The following SMG1 variants were observed in gnomAD, a reference collection of about 807,000 sequenced individuals.
SMG1 encodes SMG1 nonsense mediated mRNA decay associated PI3K related kinase, also known as serine/threonine-protein kinase SMG1.
Under a neutral mutation model 419.9 loss-of-function variants are expected in SMG1, and 22 were observed. The ratio of observed to expected loss-of-function variants is 0.05; its 90% CI spans 0.04 to 0.07. The LOEUF (loss-of-function observed/expected upper bound fraction) is 0.07. Among genes scored for constraint, SMG1 ranks in the 10% least tolerant of loss-of-function variants. The pLI, the probability that SMG1 is intolerant of heterozygous loss-of-function variation, is 1.00. For synonymous variants in SMG1, 1,538 were observed against 1,553.5 expected (o/e 0.99, Z 0.23); for missense variants, 3,185 against 4,342.0 (o/e 0.73, Z 7.49).
At position 18,834,946 on chromosome 16, in the gene SMG1, T is replaced by C. The variant is rs772222850; in HGVS notation, c.8276A>G (p.Glu2759Gly). The C allele has an allele frequency of 6.2e-7, 1 of 1,614,040 alleles. No individual in the cohort carries two copies. The highest frequency in any genetic ancestry group is 8.5e-7 in the Non-Finnish European group (1 of 1,179,876). ...AACACTTGCTAGACTCAAAGATCCT[T>C]CTTCTCCATTCTCATGAAGGAAAAC... ...IKVFLHENGE[E>G]GSLSLASVII... Residue 2759 changes from glutamate to glycine, a missense_variant, in exon 49 of 63, where the codon GAA becomes GGA. By Grantham distance (98) the Glu-to-Gly change is moderately conservative (BLOSUM62 -2). Transcript: ENST00000446231.
In SMG1 at chr16:18,845,477, A is replaced by C. The variant is rs373116735; in HGVS notation, c.6171T>G (p.Thr2057=). The C allele has an allele frequency of 6.2e-7, 1 of 1,613,920 alleles. No individual in the cohort carries two copies. The highest frequency in any genetic ancestry group is 1.1e-5 in the South Asian group (1 of 91,076). ...TCCCAGGCTTTGCAGGGTTCAATGGAGTCTTCAGTTTTTCTAGGGCATTTT... is the reference window on the plus strand; with the variant it reads ...TCCCAGGCTTTGCAGGGTTCAATGGCGTCTTCAGTTTTTCTAGGGCATTTT... ...AIENALEKLK[T]PLNPAKPGSS... is the part of the protein sequence containing the mutation. Residue 2057 remains threonine (T), a synonymous_variant, in exon 39 of 63, where the codon ACT becomes ACG. Coordinates refer to ENST00000446231, the MANE Select transcript of SMG1 (RefSeq NM_015092.5).
intron 1 of SMG1, among the ~76,000 whole-genome samples, chr16:18,913,435 T>C (rs2037860557): frequency 1.3e-5 from 2 of 151,970 alleles, no homozygotes; most frequent in African/African-American, 4.8e-5. Context: ...AGAGTAAAGG[T>C]ACGTTTTTAA....
intron 1 of SMG1, among the ~76,000 whole-genome samples, chr16:18,919,441 G>A (rs533574804): frequency 5.9e-5 from 9 of 151,662 alleles, no homozygotes; most frequent in South Asian, 2.1e-4. Flanking sequence ...TGGCTAACAC[G>A]GTGAAACCCC....
intron 8 of SMG1, 40 bp from the exon 9 acceptor site, chr16:18,884,207 A>G (rs761734714): frequency 1.4e-5 from 14 of 975,098 alleles, no homozygotes; most frequent in South Asian, 4.4e-5. Flanking sequence ...GTAGGGGGGA[A>G]AAAAACACCA....
intron 1 of SMG1, among the ~76,000 whole-genome samples, chr16:18,916,091 CAG>C (rs2037964449): frequency 1.4e-5 from 1 of 72,238 alleles, no homozygotes; most frequent in Admixed American, 1.4e-4. Context: ...AAAAAAAAAC[CAG>C]AAAAAAAAAA....
chr16:18,904,386 G>C (rs2037474267), intron 1 of SMG1, among the ~76,000 whole-genome samples: 1 of 151,826 alleles, frequency 6.6e-6, no homozygotes, highest in Admixed American at 6.6e-5. Flanking sequence ...TGTAATCCCA[G>C]CACTTTGGGA....
At chr16:18,863,968 A>T in intron 24 of SMG1, 34 bp downstream of exon 24, 1 of 1,551,230 alleles carries the variant, frequency 6.4e-7, no homozygotes, top group Non-Finnish European at 8.7e-7. Context: ...TATTACTATA[A>T]CTTTTGCTTT....
intron 30 of SMG1, 119 bp from the exon 31 acceptor site, chr16:18,853,986 A>C: frequency 1.2e-6 from 1 of 833,916 alleles, no homozygotes; most frequent in Non-Finnish European, 1.8e-6. Flanking sequence ...ATGGTTTCAA[A>C]CTCCTATGCT....
rs369423544 is a variant in SMG1, at chr16:18,833,040, C to A, written c.8692G>T (p.Val2898Phe). 6.2e-7 allele frequency: 1 copy of A among 1,613,964 alleles called. No individual in the cohort carries two copies. Among genetic ancestry groups the A allele is most frequent in the African/African-American group, 1.3e-5 (1 of 75,036 alleles). ...GATTCCACTAGAGTCTGCAGGGGAACGCCATCGGTGGTCTGCTCAATAAGA... is the reference window on the plus strand; with the variant it reads ...GATTCCACTAGAGTCTGCAGGGGAAAGCCATCGGTGGTCTGCTCAATAAGA... ...DGLIEQTTDG[V>F]PLQTLVESLQ... Residue 2898 changes from valine to phenylalanine, a missense_variant, in exon 51 of 63, where the codon GTT becomes TTT. By Grantham distance (50) the Val-to-Phe change is conservative. Around this residue, in one of 27 missense-constraint regions of SMG1, gnomAD observed 737 missense variants for 846.6 expected, o/e 0.87. Transcript: ENST00000446231.
chr16:18,835,229 G>T (rs1398526668), intron 48 of SMG1, 65 bp from the exon 49 acceptor site: 4 of 1,464,456 alleles, frequency 2.7e-6, no homozygotes, highest in South Asian at 1.3e-5. Context: ...AAAGAATATT[G>T]CATTTAATCC....
intron 40 of SMG1, 76 bp from the exon 41 acceptor site, chr16:18,841,870 T>G: frequency 1.6e-6 from 2 of 1,243,604 alleles, no homozygotes; most frequent in East Asian, 4.6e-5. Flanking sequence ...CTTTTTCAAC[T>G]AGCAGTGGCA....
chr16:18,831,041 T>G (rs2033140191), intron 51 of SMG1, among the ~76,000 whole-genome samples: 1 of 152,208 alleles, frequency 6.6e-6, no homozygotes, highest in African/African-American at 2.4e-5. Flanking sequence ...GCACTATTAC[T>G]ACAAGATACG....
chr16:18,847,717 A>G (rs1417141086), intron 37 of SMG1, 99 bp downstream of exon 37: 1 of 1,570,554 alleles, frequency 6.4e-7, no homozygotes, highest in Non-Finnish European at 8.7e-7. Flanking sequence ...TCATTATACA[A>G]TTGGAGAACC....
At chr16:18,877,053 T>C (rs952936973) in intron 12 of SMG1, 78 bp downstream of exon 12, 7 of 989,618 alleles carry the variant, frequency 7.1e-6, no homozygotes, top group African/African-American at 3.2e-5. Context: ...ATTTCACTTA[T>C]ACAGCCTGGT....
In SMG1 at chr16:18,914,229, T is replaced by C. The variant is rs567757436; in HGVS notation, c.92+11721A>G. Among the ~76,000 whole-genome samples the C allele has an allele frequency of 5.3e-5, 8 of 151,668 alleles. 1 individual carries two copies. In the East Asian group the frequency reaches 1.6e-3, roughly 30 times the overall value. On this transcript the variant is annotated intron_variant, in intron 1 of 62. Transcript: ENST00000446231. Reference sequence around the variant, plus strand: ...TTAAATAATAAACAAAAAAAGTCTATAATAGGTTTTTAAATAACCATAAAG... The same window carrying C: ...TTAAATAATAAACAAAAAAAGTCTACAATAGGTTTTTAAATAACCATAAAG...
In SMG1 at chr16:18,900,387, A is replaced by G. The variant is rs1185723021; in HGVS notation, c.93-3431T>C. On this transcript the variant is annotated intron_variant, in intron 1 of 62. Coordinates refer to ENST00000446231, the MANE Select transcript of SMG1 (RefSeq NM_015092.5). ...AGGAGGCCATTCGTTTCAAATGACC[A>G]GAATCCTTAGACCTCACACCAACAA... 1.1e-4 allele frequency among the ~76,000 whole-genome samples: 16 copies of G among 152,360 alleles called. No homozygotes were observed. In the East Asian group the frequency reaches 1.3e-3, roughly 13 times the overall value.
At chr16:18,874,998 T>G (rs912971646) in intron 13 of SMG1, 1 of 151,786 alleles carries the variant, frequency 6.6e-6, no homozygotes, top group African/African-American at 2.4e-5. Context: ...CTTTGTATAT[T>G]TTTGGATTTG....
chr16:18,812,087 G>T lies in SMG1; in HGVS notation c.10662C>A (p.Val3554=). ...SNTGQKTQPD[V]MSQNARKLIQ... ...TCAGCTTTCTAGCATTCTGTGACAT[G>T]ACATCAGGCTGAGTCTTCTGGCCAG... The change falls in exon 61 of 63, where the codon GTC becomes GTA. Residue 3554 remains valine (V), a synonymous_variant. Transcript: ENST00000446231. 1 of 1,613,854 alleles carries T rather than the reference G, an allele frequency of 6.2e-7. No homozygotes were observed. Among genetic ancestry groups the T allele is most frequent in the South Asian group, 1.1e-5 (1 of 91,072 alleles).
At chr16:18,812,428 G>T (rs962294804) in intron 60 of SMG1, among the ~76,000 whole-genome samples, 2 of 151,966 alleles carry the variant, frequency 1.3e-5, no homozygotes, top group African/African-American at 4.8e-5. Context: ...GAAGTGGGCG[G>T]ATCAGTTGAG....
Sources: allele counts gnomAD v4.1 joint callset (sites outside exome capture counted in the v4.1 genomes callset), GRCh38; gene constraint gnomAD v4.1.1; regional missense constraint gnomAD v4.1.1; transcripts MANE v1.5; gene names NCBI Gene and HGNC (gene_info 2026-07-23, HGNC 2026-07-21).